Variants in KIF2A observed in about 807,000 individuals in gnomAD.
KIF2A encodes the protein kinesin-like protein KIF2A.
KIF2A carries 22 observed loss-of-function variants against 100.2 expected under a neutral mutation model. That is an observed-to-expected ratio of 0.22 (90% CI 0.16 to 0.31). KIF2A has a LOEUF of 0.31. KIF2A is among the 10% of genes least tolerant of loss of function. KIF2A has a pLI of 1.00. For synonymous variants in KIF2A, 268 were observed against 285.9 expected, an observed-to-expected ratio of 0.94 and a Z score of 0.63; for missense variants, 495 against 898.7, an observed-to-expected ratio of 0.55 and a Z score of 5.74.
chr5:62,308,430 G>T, intron 1 of KIF2A: 1 of 1,082,204 alleles, frequency 9.2e-7, no homozygotes, highest in South Asian at 1.3e-5. Flanking sequence ...ACCACCTTGT[G>T]AAGATATCTG....
chr5:62,391,009 G>A lies in KIF2A; in HGVS notation c.*5440G>A, dbSNP rs754483907. 2.1e-5 allele frequency: 34 copies of A among 1,584,948 alleles called. No homozygotes were observed. Among genetic ancestry groups the A allele is most frequent in the African/African-American group, 1.3e-5 (1 of 74,324 alleles). ...TATCAATATAAGATTCAGAATAAAT[G>A]AACGACATATCTTTAATGAGGTCAC... On this transcript the variant is annotated 3_prime_UTR_variant, in exon 21 of 21. Transcript: ENST00000407818.
chr5:62,306,367 GCCGCGGGCAACCGCTC>G lies in KIF2A; in HGVS notation c.-103_-88del. The G allele has an allele frequency of 1.1e-6, 1 of 936,388 alleles. No homozygotes were observed. Among genetic ancestry groups the G allele is most frequent in the Non-Finnish European group, 1.6e-6 (1 of 612,068 alleles). 58.0% of individuals were successfully genotyped at this position (936,388 alleles called of 1,614,324 possible). A position where few individuals can be genotyped will look rare whatever the true frequency, so the allele number is the denominator to read the frequency against. ...TCACGCTGTCGCCCGGGCCGGCGCG[GCCGCGGGCAACCGCTC>G]CCCCTCCCACACCTACCCCGCCCCC... On this transcript the variant is annotated 5_prime_UTR_variant, in exon 1 of 21. Coordinates refer to ENST00000407818, the MANE Select transcript of KIF2A (RefSeq NM_001098511.3).
intron 1 of KIF2A, among the ~76,000 whole-genome samples, chr5:62,339,429 G>A (rs1747157445): frequency 6.6e-6 from 1 of 151,566 alleles, no homozygotes; most frequent in African/African-American, 2.4e-5. Context: ...TGAGATTTAG[G>A]CAGGGATGAA....
At position 62,319,184 on chromosome 5, in the gene KIF2A, C is replaced by CAAA. The variant is rs547629535; in HGVS notation, c.64+12650_64+12651insAAA. On this transcript the variant is annotated intron_variant, in intron 1 of 20. Coordinates refer to ENST00000407818, the MANE Select transcript of KIF2A (RefSeq NM_001098511.3). ...TTAACAACAACAACAACAACAACAACAACAAAAAACCCAAAACAATAATTT... is the reference window on the plus strand; with the variant it reads ...TTAACAACAACAACAACAACAACAACAAAAACAAAAAACCCAAAACAATAATTT... 1.4e-3 allele frequency among the ~76,000 whole-genome samples: 219 copies of CAAA among 151,150 alleles called. 1 individual carries two copies. The highest frequency in any genetic ancestry group is 5.3e-3 in the African/African-American group (215 of 40,646).
intron 16 of KIF2A, among the ~76,000 whole-genome samples, chr5:62,367,378 T>C (rs1259208918): frequency 6.6e-6 from 1 of 152,070 alleles, no homozygotes; most frequent in Non-Finnish European, 1.5e-5. Context: ...GCGATTTTCC[T>C]GCCTCAGCCC....
chr5:62,347,113 A>G lies in KIF2A; in HGVS notation c.65-17A>G, dbSNP rs753309327. The G allele has an allele frequency of 1.4e-6, 2 of 1,475,224 alleles. No homozygotes were observed. Among genetic ancestry groups the G allele is most frequent in the African/African-American group, 1.4e-5 (1 of 72,124 alleles). 91.4% of individuals were successfully genotyped at this position (1,475,224 alleles called of 1,614,324 possible). On this transcript the variant is annotated splice_polypyrimidine_tract_variant and intron_variant, in intron 1 of 20. Coordinates refer to ENST00000407818, the MANE Select transcript of KIF2A (RefSeq NM_001098511.3). ...AATTTGTGGCATTTTTAAGGTGTAT[A>G]CTTTATTCCCACATAGGCCGAATAC...
intron 1 of KIF2A, among the ~76,000 whole-genome samples, chr5:62,314,513 G>T (rs1357934787): frequency 6.6e-6 from 1 of 152,100 alleles, no homozygotes; most frequent in African/African-American, 2.4e-5. Flanking sequence ...AACAGCAGTG[G>T]ATGCAGCTAC....
At chr5:62,341,937 A>G (rs1747313721) in intron 1 of KIF2A, among the ~76,000 whole-genome samples, 3 of 151,842 alleles carry the variant, frequency 2.0e-5, no homozygotes, top group Non-Finnish European at 4.4e-5. Flanking sequence ...TTCCAACTAG[A>G]TTTGATAGCT....
rs1333867750 is a variant in KIF2A at position 62,389,533 on chromosome 5, T to C, written c.*3964T>C. On this transcript the variant is annotated 3_prime_UTR_variant, in exon 21 of 21. Transcript: ENST00000407818. ...TTATTGTCTGACTAAATTTATAAGA[T>C]ATGTATTGGTTAAAACCATGCCATG... is the stretch of plus-strand genomic sequence containing the variant. Among the ~76,000 whole-genome samples, 11 of 147,468 alleles carry C rather than the reference T, an allele frequency of 7.5e-5. No individual in the cohort carries two copies. The South Asian group carries it at 1.7e-3, about 23-fold the overall frequency.
chr5:62,316,062 C>T (rs1261441491), intron 1 of KIF2A, among the ~76,000 whole-genome samples: 2 of 152,138 alleles, frequency 1.3e-5, no homozygotes, highest in Admixed American at 6.5e-5. Context: ...GTGTAGAGGA[C>T]TGTAGAGCCT....
intron 2 of KIF2A, among the ~76,000 whole-genome samples, chr5:62,347,532 TAG>T (rs1747633929): frequency 6.6e-6 from 1 of 152,216 alleles, no homozygotes. Context: ...TAGCAATTCA[TAG>T]AGTCAAGACT....
rs144126592 is a variant in KIF2A, at chr5:62,345,166, C to T, written c.65-1964C>T. Among the ~76,000 whole-genome samples the T allele has an allele frequency of 7.4e-3, 1,116 of 151,636 alleles. 16 individuals are homozygous for T. The highest frequency in any genetic ancestry group is 0.026 in the African/African-American group (1,060 of 41,354). ...ACTTTGGGAGGCCGAGGAGGGCAGACCACTTGAGGTCAGGAGTTCGAGACT... is the reference window on the plus strand; with the variant it reads ...ACTTTGGGAGGCCGAGGAGGGCAGATCACTTGAGGTCAGGAGTTCGAGACT... On this transcript the variant is annotated intron_variant, in intron 1 of 20. Coordinates refer to ENST00000407818, the MANE Select transcript of KIF2A (RefSeq NM_001098511.3).
At chr5:62,374,794 G>A (rs2111988859) in intron 18 of KIF2A, among the ~76,000 whole-genome samples, 2 of 152,234 alleles carry the variant, frequency 1.3e-5, no homozygotes, top group Admixed American at 1.3e-4. Context: ...GAGCATGGTG[G>A]CACACGCCTG....
At chr5:62,336,199 A>AT (rs1268997441) in intron 1 of KIF2A, among the ~76,000 whole-genome samples, 1 of 152,218 alleles carries the variant, frequency 6.6e-6, no homozygotes, top group East Asian at 1.9e-4. Flanking sequence ...CAAAAGTTTG[A>AT]TTCCTATAGG....
At chr5:62,310,755 G>A (rs958314627) in intron 1 of KIF2A, among the ~76,000 whole-genome samples, 1 of 152,176 alleles carries the variant, frequency 6.6e-6, no homozygotes, top group African/African-American at 2.4e-5. Flanking sequence ...TTGGACTGGT[G>A]TGTTTTCTTA....
chr5:62,350,232 C>T, intron 4 of KIF2A, 112 bp downstream of exon 4: 2 of 652,792 alleles, frequency 3.1e-6, no homozygotes, highest in East Asian at 3.2e-5. Context: ...TTAAATTTTA[C>T]CTGGCTAATT....
chr5:62,313,056 G>A (rs1191061225), intron 1 of KIF2A, among the ~76,000 whole-genome samples: 1 of 151,800 alleles, frequency 6.6e-6, no homozygotes. Flanking sequence ...TCTATTAACA[G>A]CCTGCTATAT....
chr5:62,334,284 T>C (rs264526), intron 1 of KIF2A, among the ~76,000 whole-genome samples: 135,403 of 151,886 alleles, frequency 0.89, 60,522 homozygotes, highest in Middle Eastern at 0.93. Flanking sequence ...TGGACTTGGG[T>C]CCAGGTCATG....
intron 1 of KIF2A, 145 bp from the exon 2 acceptor site, chr5:62,346,985 G>A (rs1248382464): frequency 1.3e-5 from 7 of 551,662 alleles, no homozygotes; most frequent in African/African-American, 2.0e-5. Context: ...TTCATTCCCT[G>A]TTCCTGAGGG....
Sources: allele counts gnomAD v4.1 joint callset (sites outside exome capture counted in the v4.1 genomes callset), GRCh38; gene constraint gnomAD v4.1.1; transcripts MANE v1.5; gene names NCBI Gene and HGNC (gene_info 2026-07-23, HGNC 2026-07-21).